Variants in LYRM2 observed in about 807,000 individuals in gnomAD.
LYRM2 encodes LYR motif containing 2, also known as LYR motif-containing protein 2.
A neutral mutation model predicts 11.6 loss-of-function variants in LYRM2; 8 were observed. The ratio of observed to expected loss-of-function variants is 0.69; its 90% CI spans 0.40 to 1.24. LYRM2 has a LOEUF of 1.24. LYRM2 is among the 50% of genes most tolerant of loss of function. The pLI is 0.01. For synonymous variants in LYRM2, 30 were observed against 36.4 expected (o/e 0.83, Z 0.63); for missense variants, 117 against 102.9 (o/e 1.14, Z -0.59).
chr6:89,638,300 G>T, intron 1 of LYRM2: 4 of 1,169,570 alleles, frequency 3.4e-6, no homozygotes, highest in South Asian at 5.1e-5. Context: ...CGGTCTCCTA[G>T]AAGTTGTTAT....
chr6:89,637,665 C>T, intron 2 of LYRM2, 77 bp downstream of exon 2: 1 of 1,462,492 alleles, frequency 6.8e-7, no homozygotes, highest in Non-Finnish European at 9.4e-7. Flanking sequence ...TCCAAGATGT[C>T]TGCTAAACTT....
At chr6:89,638,036 T>G (rs1309075688) in intron 1 of LYRM2, among the ~76,000 whole-genome samples, 154 bp from the exon 2 acceptor site, 3 of 152,072 alleles carry the variant, frequency 2.0e-5, no homozygotes, top group Admixed American at 1.3e-4. Flanking sequence ...TTTGGCCAGA[T>G]GCAGTGGCTC....
Position 89,637,886 on chromosome 6 carries a change from T to TA in LYRM2, c.46-5dup. 1 of 1,612,188 alleles carries TA rather than the reference T, an allele frequency of 6.2e-7. No individual in the cohort carries two copies. Among genetic ancestry groups the TA allele is most frequent in the Non-Finnish European group, 8.5e-7 (1 of 1,178,802 alleles). On this transcript the variant is annotated splice_region_variant and splice_polypyrimidine_tract_variant and intron_variant, in intron 1 of 2. Transcript: ENST00000523377. ...GAACTTGTTGCCTTCTTACGAACTG[T>TA]AAAAGGGAGGAGTAAATAGCAATTA...
chr6:89,638,522 G>T, intron 1 of LYRM2, 150 bp downstream of exon 1: 1 of 1,549,770 alleles, frequency 6.5e-7, no homozygotes, highest in South Asian at 1.2e-5. Flanking sequence ...CCCGCGGAGC[G>T]AAGCACCGCC....
Position 89,637,753 on chromosome 6 carries a change from C to T in LYRM2, c.175G>A (p.Ala59Thr), listed in dbSNP as rs1386008546. 1 of 1,613,868 alleles carries T rather than the reference C, an allele frequency of 6.2e-7. No homozygotes were observed. The highest frequency in any genetic ancestry group is 8.5e-7 in the Non-Finnish European group (1 of 1,179,876). ...GATTTTGTTCTCACCTCTTCGGTGG[C>T]ACTTTTGTTTCTTCTGAATTCTTCT... ...AREEFRRNKS[A>T]TEEDTIRMMI... The change falls in exon 2 of 3, where the codon GCC (alanine) becomes ACC (threonine). Residue 59 changes from alanine to threonine, a missense_variant. Transcript: ENST00000523377.
Position 89,632,231 on chromosome 6 carries a change from A to G in LYRM2, c.*5042T>C, listed in dbSNP as rs895506401. ...GTAATAAAATGCTGCTCATTGAGCCAAAGAGAAGAAATGATTTATTAACAT... is the reference window on the plus strand; with the variant it reads ...GTAATAAAATGCTGCTCATTGAGCCGAAGAGAAGAAATGATTTATTAACAT... On this transcript the variant is annotated 3_prime_UTR_variant, in exon 3 of 3. Coordinates refer to ENST00000523377, the MANE Select transcript of LYRM2 (RefSeq NM_020466.5). The G allele has an allele frequency of 6.6e-6, 1 of 152,240 alleles. No homozygotes were observed. The highest frequency in any genetic ancestry group is 1.5e-5 in the Non-Finnish European group (1 of 68,042). 9.4% of individuals were successfully genotyped at this position (152,240 alleles called of 1,614,324 possible).
At chr6:89,637,687 TTCAC>T in intron 2 of LYRM2, 51 bp downstream of exon 2, 2 of 1,556,066 alleles carry the variant, frequency 1.3e-6, no homozygotes, top group Non-Finnish European at 1.7e-6. Context: ...AAAAAAAAAA[TTCAC>T]TGATCAATAA....
intron 2 of LYRM2, 113 bp from the exon 3 acceptor site, chr6:89,637,466 T>C: frequency 1.4e-6 from 1 of 720,400 alleles, no homozygotes; most frequent in Non-Finnish European, 2.3e-6. Flanking sequence ...ACTGCTGCCT[T>C]TTAGAAAAGC....
chr6:89,636,633 T>C lies in LYRM2; in HGVS notation c.*640A>G, dbSNP rs1181434740. On this transcript the variant is annotated 3_prime_UTR_variant, in exon 3 of 3. Coordinates refer to ENST00000523377, the MANE Select transcript of LYRM2 (RefSeq NM_020466.5). ...CATCTTCACCAAGACTTATTATTAT[T>C]TCTCTTTTTAATTACAGCCATTCTA... 2.0e-5 allele frequency: 3 copies of C among 152,080 alleles called. No individual in the cohort carries two copies. 9.4% of individuals were successfully genotyped at this position (152,080 alleles called of 1,614,324 possible). A position where few individuals can be genotyped will look rare whatever the true frequency, so the allele number is the denominator to read the frequency against.
intron 2 of LYRM2, 37 bp from the exon 3 acceptor site, chr6:89,637,390 T>A: frequency 1.5e-6 from 2 of 1,361,534 alleles, no homozygotes; most frequent in Non-Finnish European, 2.1e-6. Context: ...TAGTTTTACC[T>A]GGTTAAACAA....
At chr6:89,637,931 C>G in intron 1 of LYRM2, 49 bp from the exon 2 acceptor site, 1 of 1,536,576 alleles carries the variant, frequency 6.5e-7, no homozygotes, top group South Asian at 1.2e-5. Flanking sequence ...AATCGCCAGC[C>G]TGGAAAGTTC....
chr6:89,634,845 AGTAGT>A lies in LYRM2; in HGVS notation c.*2423_*2427del. 6.6e-6 allele frequency: 1 copy of A among 152,198 alleles called. No individual in the cohort carries two copies. Among genetic ancestry groups the A allele is most frequent in the East Asian group, 1.9e-4 (1 of 5,188 alleles). 9.4% of individuals were successfully genotyped at this position (152,198 alleles called of 1,614,324 possible). A position where few individuals can be genotyped will look rare whatever the true frequency, so the allele number is the denominator to read the frequency against. ...CACTCTTTCGCCCAGGCTGTAGTGC[AGTAGT>A]GTGTTCTCGGCTCACTGCAGCCTCT... On this transcript the variant is annotated 3_prime_UTR_variant, in exon 3 of 3. Coordinates refer to ENST00000523377, the MANE Select transcript of LYRM2 (RefSeq NM_020466.5).
rs1409931790 is a variant in LYRM2, at chr6:89,636,679, T to A, written c.*594A>T. 7.5e-6 allele frequency: 1 copy of A among 134,184 alleles called. No homozygotes were observed. Among genetic ancestry groups the A allele is most frequent in the Non-Finnish European group, 1.7e-5 (1 of 58,964 alleles). The allele number at this position is 134,184 out of a possible 1,614,324, so 8.3% of individuals were successfully genotyped here. ...TTCTAGTGAATGTGAATCTCAGGGT[T>A]GTTTTTTTTTTTTTTTTTTAGAGAC... is the stretch of plus-strand genomic sequence containing the variant. On this transcript the variant is annotated 3_prime_UTR_variant, in exon 3 of 3. Coordinates refer to ENST00000523377, the MANE Select transcript of LYRM2 (RefSeq NM_020466.5).
chr6:89,636,722 C>T lies in LYRM2; in HGVS notation c.*551G>A, dbSNP rs1030500887. ...TTAGAGACTGTCTCACTCTGTCACC[C>T]AGGCTGAAGTGCAGTGGCACGACCT... is the stretch of plus-strand genomic sequence containing the variant. On this transcript the variant is annotated 3_prime_UTR_variant, in exon 3 of 3. Transcript: ENST00000523377. The T allele has an allele frequency of 6.6e-6, 1 of 151,186 alleles. No homozygotes were observed. Among genetic ancestry groups the T allele is most frequent in the Non-Finnish European group, 1.5e-5 (1 of 67,926 alleles). The allele number at this position is 151,186 out of a possible 1,614,324, so 9.4% of individuals were successfully genotyped here. A position where few individuals can be genotyped will look rare whatever the true frequency, so the allele number is the denominator to read the frequency against.
chr6:89,637,969 A>G, intron 1 of LYRM2, 87 bp from the exon 2 acceptor site: 1 of 1,322,230 alleles, frequency 7.6e-7, no homozygotes, highest in Non-Finnish European at 1.0e-6. Context: ...CTGTAACCAG[A>G]GTACTTCTCG....
chr6:89,637,048 T>C lies in LYRM2; in HGVS notation c.*225A>G, dbSNP rs897580270. 2.5e-6 allele frequency: 1 copy of C among 407,280 alleles called. No individual in the cohort carries two copies. Among genetic ancestry groups the C allele is most frequent in the Admixed American group, 4.3e-5 (1 of 23,044 alleles). 25.2% of individuals were successfully genotyped at this position (407,280 alleles called of 1,614,324 possible). A position where few individuals can be genotyped will look rare whatever the true frequency, so the allele number is the denominator to read the frequency against. ...GCATCTACTGGCCATTTGTTAGTGGTTTTTTTCTTCTTTTAAGAACTGCTG... is the reference window on the plus strand; with the variant it reads ...GCATCTACTGGCCATTTGTTAGTGGCTTTTTTCTTCTTTTAAGAACTGCTG... On this transcript the variant is annotated 3_prime_UTR_variant, in exon 3 of 3. Transcript: ENST00000523377.
chr6:89,638,010 C>G, intron 1 of LYRM2, 128 bp from the exon 2 acceptor site: 2 of 1,026,112 alleles, frequency 1.9e-6, no homozygotes, highest in Non-Finnish European at 2.8e-6. Context: ...CAAAGAAAAA[C>G]TTTTTTTTTT....
chr6:89,634,585 C>T lies in LYRM2; in HGVS notation c.*2688G>A, dbSNP rs1807928125. ...AATTAGCCGGTCATGGTGGCACATG[C>T]CTGTGGTCCCAGCTAAATGAAAATC... On this transcript the variant is annotated 3_prime_UTR_variant, in exon 3 of 3. Transcript: ENST00000523377. The T allele has an allele frequency of 6.6e-6, 1 of 152,034 alleles. No individual in the cohort carries two copies. The highest frequency in any genetic ancestry group is 1.5e-5 in the Non-Finnish European group (1 of 68,018). 9.4% of individuals were successfully genotyped at this position (152,034 alleles called of 1,614,324 possible).
chr6:89,635,939 GCTTCT>G lies in LYRM2; in HGVS notation c.*1329_*1333del, dbSNP rs1807992211. 1 of 157,650 alleles carries G rather than the reference GCTTCT, an allele frequency of 6.3e-6. No homozygotes were observed. 9.8% of individuals were successfully genotyped at this position (157,650 alleles called of 1,614,324 possible). On this transcript the variant is annotated 3_prime_UTR_variant, in exon 3 of 3. Coordinates refer to ENST00000523377, the MANE Select transcript of LYRM2 (RefSeq NM_020466.5). ...GTAAGTGCTTCAATGTGCTCATTAAGCTTCTCTTTCTCTTCCCTTTTCAACAAAGA... is the reference window on the plus strand; with the variant it reads ...GTAAGTGCTTCAATGTGCTCATTAAGCTTTCTCTTCCCTTTTCAACAAAGA...
Sources: allele counts gnomAD v4.1 joint callset (sites outside exome capture counted in the v4.1 genomes callset), GRCh38; gene constraint gnomAD v4.1.1; transcripts MANE v1.5; gene names NCBI Gene and HGNC (gene_info 2026-07-23, HGNC 2026-07-21).